Variants in NRG3 observed in about 807,000 individuals in gnomAD.
NRG3 encodes neuregulin 3, also known as pro-neuregulin-3, membrane-bound isoform.
A neutral mutation model predicts 66.9 loss-of-function variants in NRG3; 31 were observed. The observed-to-expected ratio is 0.46, with a 90% CI of 0.35 to 0.63. The LOEUF (loss-of-function observed/expected upper bound fraction) is 0.63. Among genes scored for constraint, NRG3 ranks in the 20% least tolerant of loss-of-function variants. NRG3 has a pLI of 0.00. For missense variants in NRG3, 910 were observed against 878.9 expected (o/e 1.04, Z -0.45); for synonymous variants, 393 against 359.4 (o/e 1.09, Z -1.06).
intron 2 of NRG3, among the ~76,000 whole-genome samples, chr10:82,652,028 A>G (rs1284712885): frequency 6.6e-6 from 1 of 152,220 alleles, no homozygotes; most frequent in African/African-American, 2.4e-5. Flanking sequence ...CAGAGGTGCT[A>G]GAACTAGCCA....
At chr10:82,291,956 G>T (rs2079772535) in intron 1 of NRG3, among the ~76,000 whole-genome samples, 1 of 152,084 alleles carries the variant, frequency 6.6e-6, no homozygotes, top group Admixed American at 6.5e-5. Context: ...AATACATAAA[G>T]GGAAATGTTG....
intron 1 of NRG3, among the ~76,000 whole-genome samples, chr10:82,215,349 T>C (rs1306173157): frequency 6.6e-6 from 1 of 152,230 alleles, no homozygotes; most frequent in African/African-American, 2.4e-5. Flanking sequence ...GCTATTCTAG[T>C]TTTAATCCAC....
At chr10:82,148,849 A>G (rs1590301682) in intron 1 of NRG3, among the ~76,000 whole-genome samples, 1 of 151,830 alleles carries the variant, frequency 6.6e-6, no homozygotes, top group Non-Finnish European at 1.5e-5. Flanking sequence ...CAGCTTCTCC[A>G]CCATCTCACC....
chr10:81,975,527 G>T (rs561527410), intron 1 of NRG3, among the ~76,000 whole-genome samples: 1 of 152,206 alleles, frequency 6.6e-6, no homozygotes, highest in South Asian at 2.1e-4. Context: ...CAACGAGTGG[G>T]AAAGTGAGAT....
At chr10:82,934,919 C>A (rs1484431628) in intron 4 of NRG3, among the ~76,000 whole-genome samples, 1 of 152,016 alleles carries the variant, frequency 6.6e-6, no homozygotes, top group East Asian at 1.9e-4. Context: ...TAAAACAGGC[C>A]AATATTTTTT....
Position 82,181,221 on chromosome 10 carries a change from TA to T in NRG3, c.824-177517del, listed in dbSNP as rs149445961. On this transcript the variant is annotated intron_variant, in intron 1 of 8. Transcript: ENST00000372141. ...AAAACAGCTATTAGTTTTGGTTTTT[TA>T]TTGTTTCTATTCTCTATTTTATTTA... Among the ~76,000 whole-genome samples, 1,369 of 151,798 alleles carry T rather than the reference TA, an allele frequency of 9.0e-3. 20 individuals carry two copies. The highest frequency in any genetic ancestry group is 0.031 in the African/African-American group (1,301 of 41,518).
intron 1 of NRG3, among the ~76,000 whole-genome samples, chr10:82,236,683 A>G (rs544190195): frequency 1.5e-5 from 2 of 134,870 alleles, no homozygotes; most frequent in South Asian, 2.5e-4. Flanking sequence ...GCCTCCCTCT[A>G]TCTCCTTCTC....
At chr10:82,332,374 G>A (rs1425273051) in intron 1 of NRG3, among the ~76,000 whole-genome samples, 1 of 152,162 alleles carries the variant, frequency 6.6e-6, no homozygotes, top group Non-Finnish European at 1.5e-5. Context: ...GTAATGGGGA[G>A]CGGACAGTTT....
At chr10:82,823,210 G>A (rs913238054) in intron 3 of NRG3, among the ~76,000 whole-genome samples, 1 of 152,120 alleles carries the variant, frequency 6.6e-6, no homozygotes, top group Non-Finnish European at 1.5e-5. Flanking sequence ...AAGTACGAAT[G>A]GTGTTTCTCT....
chr10:82,776,874 T>C (rs2135233032), intron 3 of NRG3, among the ~76,000 whole-genome samples: 1 of 152,274 alleles, frequency 6.6e-6, no homozygotes, highest in South Asian at 2.1e-4. Flanking sequence ...TATCATGAAT[T>C]CCCTTTATAT....
At chr10:81,918,818 C>CAAAAACAAAAA (rs1845948071) in intron 1 of NRG3, among the ~76,000 whole-genome samples, 1 of 145,780 alleles carries the variant, frequency 6.9e-6, no homozygotes, top group African/African-American at 2.5e-5. Context: ...AGGATTTTTG[C>CAAAAACAAAAA]AAAAAACAAA....
At chr10:82,549,146 C>T (rs1258989558) in intron 2 of NRG3, among the ~76,000 whole-genome samples, 1 of 152,140 alleles carries the variant, frequency 6.6e-6, no homozygotes, top group Non-Finnish European at 1.5e-5. Context: ...TGACTAATAA[C>T]ATCTCTTTGC....
At chr10:82,036,263 C>G (rs539091024) in intron 1 of NRG3, among the ~76,000 whole-genome samples, 67 of 152,074 alleles carry the variant, frequency 4.4e-4, no homozygotes, top group Non-Finnish European at 8.5e-4. Flanking sequence ...TCCCTTTAAA[C>G]TAGATAAACA....
chr10:82,840,725 C>G (rs35140656), intron 3 of NRG3, among the ~76,000 whole-genome samples: 3 of 151,966 alleles, frequency 2.0e-5, no homozygotes, highest in African/African-American at 7.3e-5. Flanking sequence ...GAACAGAGCA[C>G]CCTCTGTTGG....
intron 3 of NRG3, among the ~76,000 whole-genome samples, chr10:82,836,447 G>A (rs965319677): frequency 6.6e-6 from 1 of 152,144 alleles, no homozygotes; most frequent in Non-Finnish European, 1.5e-5. Flanking sequence ...GGATGTATAC[G>A]CTTACAAATG....
At chr10:82,546,811 C>T (rs596164) in intron 2 of NRG3, among the ~76,000 whole-genome samples, 73,868 of 152,000 alleles carry the variant, frequency 0.49, 20,978 homozygotes, top group African/African-American at 0.79. Flanking sequence ...ATCAAACACA[C>T]AATGGAATTG....
intron 2 of NRG3, among the ~76,000 whole-genome samples, chr10:82,406,570 G>A (rs2087537459): frequency 6.6e-6 from 1 of 152,166 alleles, no homozygotes; most frequent in Admixed American, 6.5e-5. Context: ...CTTGCATTAT[G>A]TGCTTGAAGC....
At chr10:82,156,284 TTCTG>T (rs754242908) in intron 1 of NRG3, among the ~76,000 whole-genome samples, 4 of 151,530 alleles carry the variant, frequency 2.6e-5, no homozygotes, top group South Asian at 2.1e-4. Context: ...ACTCATTGTG[TTCTG>T]TCTGTCTTTG....
At chr10:82,720,207 T>C (rs1255200712) in intron 2 of NRG3, among the ~76,000 whole-genome samples, 3 of 152,128 alleles carry the variant, frequency 2.0e-5, no homozygotes, top group Non-Finnish European at 2.9e-5. Context: ...CTGGCCAACA[T>C]GGCAAAACCC....
Sources: gnomAD v4.1 joint callset for allele counts (sites outside exome capture counted in the v4.1 genomes callset) on GRCh38, gnomAD v4.1.1 for gene constraint, MANE v1.5 for transcripts, NCBI Gene and HGNC (gene_info 2026-07-23, HGNC 2026-07-21) for gene names.